FSTL1: variants seen among roughly 807,000 people sequenced by gnomAD.
FSTL1 encodes the protein follistatin like 1.
FSTL1 carries 24 observed loss-of-function variants against 45.9 expected under a neutral mutation model. That is an observed-to-expected ratio of 0.52 (90% CI 0.38 to 0.74). FSTL1 has a LOEUF of 0.74. Among genes scored for constraint, FSTL1 ranks in the 30% least tolerant of loss-of-function variants. FSTL1 has a pLI of 0.00. For synonymous variants in FSTL1, 120 were observed against 137.6 expected (o/e 0.87, Z 0.89); for missense variants, 340 against 381.8 (o/e 0.89, Z 0.91).
chr3:120,433,906 G>A (rs1227024900), intron 2 of FSTL1, among the ~76,000 whole-genome samples: 2 of 152,208 alleles, frequency 1.3e-5, no homozygotes, highest in Admixed American at 6.5e-5. Context: ...GAGGTAAGCT[G>A]GGAAAAGCTG....
In FSTL1 at chr3:120,396,770, C is replaced by T. The variant is rs543735029; in HGVS notation, c.*182G>A. Reference sequence around the variant, plus strand: ...CACTCCTAGAAATGAAGGCTGTGGCCCTTCCCTTCCTAGCCAGCCACCTTC... The same window carrying T: ...CACTCCTAGAAATGAAGGCTGTGGCTCTTCCCTTCCTAGCCAGCCACCTTC... On this transcript the variant is annotated 3_prime_UTR_variant, in exon 11 of 11. Transcript: ENST00000295633. 8.3e-5 allele frequency: 50 copies of T among 602,462 alleles called. No homozygotes were observed. In the African/African-American group the frequency reaches 8.8e-4, roughly 11 times the overall value. 37.3% of individuals were successfully genotyped at this position (602,462 alleles called of 1,614,324 possible).
intron 2 of FSTL1, among the ~76,000 whole-genome samples, chr3:120,443,818 A>C (rs188268496): frequency 6.7e-6 from 1 of 149,906 alleles, no homozygotes; most frequent in South Asian, 2.1e-4. Context: ...ATGAGCATCT[A>C]AAGTCTGTGA....
intron 2 of FSTL1, among the ~76,000 whole-genome samples, chr3:120,444,333 C>CT (rs1315885432): frequency 6.7e-6 from 1 of 149,790 alleles, no homozygotes; most frequent in African/African-American, 2.6e-5. Flanking sequence ...CATATAGACT[C>CT]TGATTGCTAG....
rs975186781 is a variant in FSTL1 at position 120,396,845 on chromosome 3, A to T, written c.*107T>A. On this transcript the variant is annotated 3_prime_UTR_variant, in exon 11 of 11. Coordinates refer to ENST00000295633, the MANE Select transcript of FSTL1 (RefSeq NM_007085.5). ...AACAAAATAAAACTCATTGCTATAT[A>T]AGCAAATACTGGTGATTTGGCGACT... is the stretch of plus-strand genomic sequence containing the variant. 1.3e-6 allele frequency: 1 copy of T among 792,190 alleles called. No homozygotes were observed. Among genetic ancestry groups the T allele is most frequent in the African/African-American group, 1.7e-5 (1 of 58,028 alleles). The allele number at this position is 792,190 out of a possible 1,614,324, so 49.1% of individuals were successfully genotyped here.
At chr3:120,448,250 T>C (rs1233472144) in intron 2 of FSTL1, among the ~76,000 whole-genome samples, 1 of 152,234 alleles carries the variant, frequency 6.6e-6, no homozygotes, top group East Asian at 1.9e-4. Flanking sequence ...TTTTAGCGAT[T>C]TGAAGTTTAC....
At chr3:120,437,627 G>GCACA (rs111980425) in intron 2 of FSTL1, among the ~76,000 whole-genome samples, 132 of 149,722 alleles carry the variant, frequency 8.8e-4, no homozygotes, top group East Asian at 4.3e-3. Flanking sequence ...ACATATCCAT[G>GCACA]CACACACACA....
intron 2 of FSTL1, among the ~76,000 whole-genome samples, chr3:120,420,838 G>C (rs532417046): frequency 6.6e-6 from 1 of 152,192 alleles, no homozygotes; most frequent in Non-Finnish European, 1.5e-5. Flanking sequence ...GTAGAATTGA[G>C]GCCTGGCCCT....
intron 6 of FSTL1, among the ~76,000 whole-genome samples, chr3:120,409,258 TA>T (rs1342919593): frequency 1.3e-5 from 2 of 152,214 alleles, no homozygotes; most frequent in Admixed American, 1.3e-4. Context: ...AGCTTGGCCC[TA>T]ACTGACAGGT....
At chr3:120,450,651 G>A in intron 2 of FSTL1, 33 bp downstream of exon 2, 1 of 1,489,408 alleles carries the variant, frequency 6.7e-7, no homozygotes, top group Non-Finnish European at 9.0e-7. Context: ...AGGCCCCGGG[G>A]ACCGAGTTCG....
chr3:120,402,963 G>A, intron 8 of FSTL1, 45 bp from the exon 9 acceptor site: 1 of 1,221,018 alleles, frequency 8.2e-7, no homozygotes, highest in Middle Eastern at 1.9e-4. Context: ...TGTGAGGGTG[G>A]AACAGGGCAT....
intron 2 of FSTL1, among the ~76,000 whole-genome samples, chr3:120,437,316 G>T (rs567997933): frequency 6.6e-6 from 1 of 152,164 alleles, no homozygotes. Flanking sequence ...TTTGGAATAT[G>T]GTAGGGAATG....
chr3:120,421,439 G>A (rs988966879), intron 2 of FSTL1: 5 of 152,230 alleles, frequency 3.3e-5, no homozygotes, highest in Admixed American at 1.3e-4. Flanking sequence ...CCATGGAGCT[G>A]GGGACAAAGG....
At chr3:120,438,535 C>G (rs949645907) in intron 2 of FSTL1, 6 of 152,198 alleles carry the variant, frequency 3.9e-5, no homozygotes, top group African/African-American at 9.7e-5. Flanking sequence ...CTTGAGCCAG[C>G]CTATCTTTCA....
At chr3:120,435,947 T>C (rs1937547048) in intron 2 of FSTL1, among the ~76,000 whole-genome samples, 1 of 152,076 alleles carries the variant, frequency 6.6e-6, no homozygotes, top group Non-Finnish European at 1.5e-5. Context: ...GTATGGGGAA[T>C]TTGGAGGAAA....
chr3:120,428,316 C>A (rs1937418745), intron 2 of FSTL1, among the ~76,000 whole-genome samples: 1 of 152,186 alleles, frequency 6.6e-6, no homozygotes, highest in Admixed American at 6.5e-5. Flanking sequence ...GATGCCCAAC[C>A]AAGAGGTGAG....
chr3:120,427,547 G>A (rs1316701031), intron 2 of FSTL1, among the ~76,000 whole-genome samples: 1 of 152,146 alleles, frequency 6.6e-6, no homozygotes, highest in Non-Finnish European at 1.5e-5. Flanking sequence ...CTCCCTCCCA[G>A]AACTGGTCTT....
rs1208180051 is a variant in FSTL1, at chr3:120,402,922, T to C, written c.695-4A>G. The stretch of plus-strand genomic sequence containing the variant: ...GTTTCATCCTCCAGGGCACACTCTG[T>C]TGGGCCAGAAATACGGGGCAACAGT... On this transcript the variant is annotated splice_region_variant and splice_polypyrimidine_tract_variant and intron_variant, in intron 8 of 10. Transcript: ENST00000295633. The C allele has an allele frequency of 6.3e-7, 1 of 1,581,524 alleles. No homozygotes were observed. The highest frequency in any genetic ancestry group is 8.7e-7 in the Non-Finnish European group (1 of 1,150,498).
rs1186200676 is a variant in FSTL1 at position 120,404,960 on chromosome 3, A to T, written c.474T>A (p.Asn158Lys). Reference sequence around the variant, plus strand: ...CACTGGAGTCCAGGCGAGAATCACCATTATCAAAGTTCTAGAAAGGGCATG... The same window carrying T: ...CACTGGAGTCCAGGCGAGAATCACCTTTATCAAAGTTCTAGAAAGGGCATG... The part of the protein sequence containing the change: ...ILDKYFKNFD[N>K]GDSRLDSSEF... Residue 158 changes from asparagine to lysine, a missense_variant, in exon 7 of 11, where the codon AAT (asparagine) becomes AAA (lysine). By Grantham distance (94) the Asn-to-Lys change is moderately conservative. Coordinates refer to ENST00000295633, the MANE Select transcript of FSTL1 (RefSeq NM_007085.5). 1 of 1,567,104 alleles carries T rather than the reference A, an allele frequency of 6.4e-7. No individual in the cohort carries two copies. The highest frequency in any genetic ancestry group is 8.8e-7 in the Non-Finnish European group (1 of 1,136,926).
At chr3:120,403,939 A>AC (rs1553789502) in intron 7 of FSTL1, among the ~76,000 whole-genome samples, 1,976 of 115,554 alleles carry the variant, frequency 0.017, 50 homozygotes, top group African/African-American at 0.041. Flanking sequence ...AAAAAAAAAA[A>AC]AAAAACAAAA....
Sources: gnomAD v4.1 joint callset for allele counts (sites outside exome capture counted in the v4.1 genomes callset) on GRCh38, gnomAD v4.1.1 for gene constraint, MANE v1.5 for transcripts, NCBI Gene and HGNC (gene_info 2026-07-23, HGNC 2026-07-21) for gene names.